The following CHL1 variants were observed in gnomAD, a reference collection of about 807,000 sequenced individuals.
The protein encoded by CHL1 is cell adhesion molecule L1 like.
In CHL1, 96 loss-of-function variants were observed where a neutral mutation model predicts 141.9. The ratio of observed to expected loss-of-function variants is 0.68; its 90% confidence interval spans 0.57 to 0.80. CHL1 has a LOEUF of 0.80. Ranked by LOEUF, CHL1 falls within the 30% of genes least tolerant of loss-of-function variation. The pLI, the probability that CHL1 is intolerant of heterozygous loss-of-function variation, is 0.00. For missense variants in CHL1, 1,820 were observed against 1,457.2 expected, an observed-to-expected ratio of 1.25 and a Z score of -4.05; for synonymous variants, 613 against 502.2, an observed-to-expected ratio of 1.22 and a Z score of -2.95.
intron 2 of CHL1, among the ~76,000 whole-genome samples, chr3:296,623 T>C (rs1006548680): frequency 5.3e-5 from 8 of 152,174 alleles, no homozygotes; most frequent in African/African-American, 1.9e-4. Flanking sequence ...TTTGGACTCA[T>C]TGCAGCAGCC....
At chr3:345,092 A>G (rs554984092) in intron 9 of CHL1, among the ~76,000 whole-genome samples, 1 of 152,324 alleles carries the variant, frequency 6.6e-6, no homozygotes, top group South Asian at 2.1e-4. Flanking sequence ...TACAGACTTC[A>G]GGCAGTAACA....
rs188667046 is a variant in CHL1, at chr3:205,054, G to C, written c.-175+7991G>C. 5.3e-4 allele frequency among the ~76,000 whole-genome samples: 81 copies of C among 151,446 alleles called. No homozygotes were observed. In the East Asian group the frequency reaches 0.014, roughly 25 times the overall value. On this transcript the variant is annotated intron_variant, in intron 1 of 27. Transcript: ENST00000256509. ...ATCCTAATTTGTAACCCAGTTCATAGCCCACTCTATTGCTTTCAGGTTTTC... is the reference window on the plus strand; with the variant it reads ...ATCCTAATTTGTAACCCAGTTCATACCCCACTCTATTGCTTTCAGGTTTTC...
At chr3:363,512 T>G in intron 14 of CHL1, 129 bp downstream of exon 14, 1 of 835,576 alleles carries the variant, frequency 1.2e-6, no homozygotes, top group Non-Finnish European at 1.8e-6. Context: ...TTTTCAAAAT[T>G]CCTAGAATGG....
chr3:306,023 C>G (rs1457110372), intron 2 of CHL1, among the ~76,000 whole-genome samples: 1 of 152,048 alleles, frequency 6.6e-6, no homozygotes, highest in Non-Finnish European at 1.5e-5. Context: ...GGTTATCATG[C>G]AAATGAAGAA....
At chr3:383,748 G>A (rs1037277875) in intron 18 of CHL1, 68 bp from the exon 19 acceptor site, 2 of 993,330 alleles carry the variant, frequency 2.0e-6, no homozygotes, top group Non-Finnish European at 3.2e-6. Flanking sequence ...TGGGGGGCAG[G>A]AGTTGTGATA....
intron 2 of CHL1, among the ~76,000 whole-genome samples, chr3:280,042 C>A (rs963632013): frequency 3.3e-5 from 5 of 151,832 alleles, no homozygotes; most frequent in African/African-American, 1.2e-4. Flanking sequence ...AATCAGGTTT[C>A]TATTATCTGA....
At chr3:204,097 A>G (rs1019829585) in intron 1 of CHL1, among the ~76,000 whole-genome samples, 2 of 152,148 alleles carry the variant, frequency 1.3e-5, no homozygotes, top group East Asian at 3.9e-4. Context: ...GGTGTGTTTC[A>G]GTTGGGACTC....
intron 2 of CHL1, among the ~76,000 whole-genome samples, chr3:269,675 G>A (rs748309964): frequency 8.5e-5 from 13 of 152,118 alleles, no homozygotes; most frequent in Admixed American, 3.3e-4. Context: ...ACAGGCATGC[G>A]CCACTATGCC....
At chr3:388,765 T>C (rs1707980948) in intron 19 of CHL1, among the ~76,000 whole-genome samples, 1 of 152,170 alleles carries the variant, frequency 6.6e-6, no homozygotes, top group South Asian at 2.1e-4. Flanking sequence ...TCTCTCTTCT[T>C]ATAGAAGAAA....
intron 2 of CHL1, among the ~76,000 whole-genome samples, chr3:291,460 TTC>T (rs1306034368): frequency 8.6e-5 from 13 of 150,878 alleles, no homozygotes; most frequent in East Asian, 1.9e-4. Flanking sequence ...CTTTTTCTTT[TTC>T]TTTTTTTTAA....
intron 5 of CHL1, among the ~76,000 whole-genome samples, chr3:339,550 C>A (rs1321669417): frequency 1.3e-5 from 2 of 152,156 alleles, no homozygotes; most frequent in African/African-American, 2.4e-5. Context: ...TAAAGAGAAC[C>A]AAAGTCTGCC....
chr3:220,149 AC>A (rs1324257354), intron 1 of CHL1, among the ~76,000 whole-genome samples: 2 of 152,186 alleles, frequency 1.3e-5, no homozygotes, highest in Non-Finnish European at 2.9e-5. Context: ...GTTTTTAAAG[AC>A]TGGGGAGGGT....
intron 2 of CHL1, among the ~76,000 whole-genome samples, chr3:274,375 T>C (rs1210604268): frequency 6.6e-6 from 1 of 152,180 alleles, no homozygotes; most frequent in Non-Finnish European, 1.5e-5. Context: ...ACTATTTTAA[T>C]AGGAATGTGT....
Position 349,529 on chromosome 3 carries a change from A to G in CHL1, c.1019A>G (p.His340Arg). The G allele has an allele frequency of 1.2e-6, 2 of 1,613,334 alleles. No individual in the cohort carries two copies. Among genetic ancestry groups the G allele is most frequent in the Non-Finnish European group, 1.7e-6 (2 of 1,179,668 alleles). Residue 340 changes from histidine to arginine, a missense_variant, in exon 10 of 28, where the codon CAC (histidine) becomes CGC (arginine). By Grantham distance (29) the His-to-Arg change is conservative (BLOSUM62 0). Transcript: ENST00000256509. ...NFLGTATHDF[H>R]VIVEEPPRWT... ...TTGGGAACAGCCACTCACGATTTTC[A>G]CGTTATAGTAGAAGGTACCTTTCCC...
chr3:211,390 G>T (rs1262602054), intron 1 of CHL1, among the ~76,000 whole-genome samples: 2 of 152,114 alleles, frequency 1.3e-5, no homozygotes, highest in Admixed American at 1.3e-4. Flanking sequence ...TAGGATGCAG[G>T]GTGAGGATAG....
At chr3:350,392 G>A (rs951082550) in intron 10 of CHL1, among the ~76,000 whole-genome samples, 2 of 152,132 alleles carry the variant, frequency 1.3e-5, no homozygotes, top group Admixed American at 6.6e-5. Flanking sequence ...TATCTACAAT[G>A]TAGTTGACCG....
chr3:377,776 A>G (rs375548372), intron 15 of CHL1, 42 bp from the exon 16 acceptor site: 13 of 1,523,244 alleles, frequency 8.5e-6, no homozygotes, highest in Middle Eastern at 1.7e-4. Flanking sequence ...TATCATTTCT[A>G]TTGTTTTCCT....
At chr3:340,087 C>T (rs1702241363) in intron 5 of CHL1, among the ~76,000 whole-genome samples, 1 of 152,184 alleles carries the variant, frequency 6.6e-6, no homozygotes, top group Non-Finnish European at 1.5e-5. Context: ...AAATTCTGCA[C>T]AATTCTGACT....
At chr3:385,453 C>T (rs1330241782) in intron 19 of CHL1, among the ~76,000 whole-genome samples, 1 of 152,186 alleles carries the variant, frequency 6.6e-6, no homozygotes, top group Non-Finnish European at 1.5e-5. Context: ...GCTCCTCTCA[C>T]TCATAAGTCA....
Sources: allele counts gnomAD v4.1 joint callset (sites outside exome capture counted in the v4.1 genomes callset), GRCh38; gene constraint gnomAD v4.1.1; transcripts MANE v1.5; gene names NCBI Gene and HGNC (gene_info 2026-07-23, HGNC 2026-07-21).